Variants in HNRNPLL observed in about 807,000 individuals in gnomAD.
The protein encoded by HNRNPLL is heterogeneous nuclear ribonucleoprotein L like.
Under a neutral mutation model 67.1 loss-of-function variants are expected in HNRNPLL, and 25 were observed. The ratio of observed to expected loss-of-function variants is 0.37; its 90% CI spans 0.27 to 0.52. The LOEUF (loss-of-function observed/expected upper bound fraction) is 0.52, where lower values mean the gene tolerates loss of function less well. Ranked by LOEUF, HNRNPLL falls within the 20% of genes least tolerant of loss-of-function variation. The pLI, the probability that HNRNPLL is intolerant of heterozygous loss-of-function variation, is 0.90. For synonymous variants in HNRNPLL, 267 were observed against 241.7 expected, an observed-to-expected ratio of 1.10 and a Z score of -0.97; for missense variants, 542 against 673.9, an observed-to-expected ratio of 0.80 and a Z score of 2.17.
At position 38,563,799 on chromosome 2, in the gene HNRNPLL, A is replaced by G. The variant is rs1665746116; in HGVS notation, c.*383T>C. ...CTTAAACATCTAAACATATAATAGG[A>G]ATTCTATATTAAAATGCAATACTTT... On this transcript the variant is annotated 3_prime_UTR_variant, in exon 13 of 13. Coordinates refer to ENST00000449105, the MANE Select transcript of HNRNPLL (RefSeq NM_138394.4). The G allele has an allele frequency of 6.3e-6, 1 of 158,906 alleles. No individual in the cohort carries two copies. Among genetic ancestry groups the G allele is most frequent in the African/African-American group, 2.4e-5 (1 of 41,640 alleles). 9.8% of individuals were successfully genotyped at this position (158,906 alleles called of 1,614,324 possible).
intron 7 of HNRNPLL, among the ~76,000 whole-genome samples, chr2:38,574,360 A>G (rs907083194): frequency 6.6e-6 from 1 of 151,868 alleles, no homozygotes. Context: ...CAGCTTAGAA[A>G]CAGAAACCCT....
chr2:38,582,309 G>A, intron 4 of HNRNPLL, 141 bp from the exon 5 acceptor site: 3 of 700,054 alleles, frequency 4.3e-6, no homozygotes, highest in South Asian at 3.5e-5. Flanking sequence ...AATTTTAAGA[G>A]AATTTTTTGT....
intron 1 of HNRNPLL, chr2:38,602,092 G>A (rs1280662474): frequency 7.0e-6 from 2 of 285,408 alleles, no homozygotes; most frequent in African/African-American, 4.6e-5. Flanking sequence ...CGCTGGCCCC[G>A]AGCCCGAGGA....
At chr2:38,580,163 T>C (rs1302903074) in intron 6 of HNRNPLL, among the ~76,000 whole-genome samples, 1 of 152,126 alleles carries the variant, frequency 6.6e-6, no homozygotes, top group Non-Finnish European at 1.5e-5. Context: ...GAGATTTTTT[T>C]AAAAAAACAA....
In HNRNPLL at chr2:38,563,938, A is replaced by G. The variant is rs986433711; in HGVS notation, c.*244T>C. 3.9e-5 allele frequency: 14 copies of G among 356,958 alleles called. No individual in the cohort carries two copies. Among genetic ancestry groups the G allele is most frequent in the African/African-American group, 8.5e-5 (4 of 47,260 alleles). 22.1% of individuals were successfully genotyped at this position (356,958 alleles called of 1,614,324 possible). The stretch of plus-strand genomic sequence containing the variant: ...TTCCAGTAATAAGGTTAGAAATCAT[A>G]TATCTGTATAATCTACAATGAAGCT... On this transcript the variant is annotated 3_prime_UTR_variant, in exon 13 of 13. Transcript: ENST00000449105.
intron 2 of HNRNPLL, among the ~76,000 whole-genome samples, chr2:38,588,390 A>G (rs1408240054): frequency 6.6e-6 from 1 of 151,922 alleles, no homozygotes; most frequent in Non-Finnish European, 1.5e-5. Context: ...TCTACTAAAA[A>G]TATAAAAAAT....
Position 38,583,988 on chromosome 2 carries a change from C to T in HNRNPLL, c.547-62G>A, listed in dbSNP as rs1666632237. 10 of 679,640 alleles carry T rather than the reference C, an allele frequency of 1.5e-5. No individual in the cohort carries two copies. In the East Asian group the frequency reaches 3.0e-4, roughly 20 times the overall value. 42.1% of individuals were successfully genotyped at this position (679,640 alleles called of 1,614,324 possible). A position where few individuals can be genotyped will look rare whatever the true frequency, so the allele number is the denominator to read the frequency against. ...CATCTGAAAAAACATTAAAGCTATA[C>T]TTCGTTTTGTTTTACCTAAAAACTA... On this transcript the variant is annotated intron_variant, in intron 3 of 12. Transcript: ENST00000449105.
chr2:38,564,909 T>C (rs966188210), intron 12 of HNRNPLL, among the ~76,000 whole-genome samples: 1 of 151,246 alleles, frequency 6.6e-6, no homozygotes, highest in Non-Finnish European at 1.5e-5. Context: ...GGAATGTACA[T>C]GAAGACATCT....
intron 4 of HNRNPLL, among the ~76,000 whole-genome samples, chr2:38,582,874 TAAA>T (rs397976998): frequency 7.4e-6 from 1 of 135,316 alleles, no homozygotes. Context: ...AACTCCATCT[TAAA>T]AAAAAAAAAA....
rs200477240 is a variant in HNRNPLL at position 38,569,365 on chromosome 2, G to C, written c.1215-31C>G. 1.7e-5 allele frequency: 25 copies of C among 1,487,980 alleles called. No individual in the cohort carries two copies. The African/African-American group carries it at 2.6e-4, about 16-fold the overall frequency. The allele number at this position is 1,487,980 out of a possible 1,614,324, so 92.2% of individuals were successfully genotyped here. A position where few individuals can be genotyped will look rare whatever the true frequency, so the allele number is the denominator to read the frequency against. On this transcript the variant is annotated intron_variant, in intron 9 of 12. Transcript: ENST00000449105. ...GATTGTAAAGAAAAGACATACAAAA[G>C]TACTTTGTTAGATAAAAAGCAGCAA... is the stretch of plus-strand genomic sequence containing the variant.
At chr2:38,574,695 A>C (rs1666232151) in intron 7 of HNRNPLL, among the ~76,000 whole-genome samples, 1 of 151,792 alleles carries the variant, frequency 6.6e-6, no homozygotes, top group Non-Finnish European at 1.5e-5. Context: ...ACACGGTGTG[A>C]ATTTCTGCAA....
Position 38,602,719 on chromosome 2 carries a change from C to A in HNRNPLL, c.-93G>T. On this transcript the variant is annotated 5_prime_UTR_variant, in exon 1 of 13. Transcript: ENST00000449105. ...GCCGGCCAGTCCTCGCCGCCGGCAG[C>A]GCCTCTTCTGCGAGGGTCTCCGCGG... 2.1e-6 allele frequency: 3 copies of A among 1,440,144 alleles called. No individual in the cohort carries two copies. The highest frequency in any genetic ancestry group is 2.7e-6 in the Non-Finnish European group (3 of 1,099,120). 89.2% of individuals were successfully genotyped at this position (1,440,144 alleles called of 1,614,324 possible). A position where few individuals can be genotyped will look rare whatever the true frequency, so the allele number is the denominator to read the frequency against.
rs1665702024 is a variant in HNRNPLL, at chr2:38,562,262, T to C, written c.*1920A>G. 6.6e-6 allele frequency: 1 copy of C among 152,174 alleles called. No homozygotes were observed. The highest frequency in any genetic ancestry group is 2.1e-4 in the South Asian group (1 of 4,830). 9.4% of individuals were successfully genotyped at this position (152,174 alleles called of 1,614,324 possible). A position where few individuals can be genotyped will look rare whatever the true frequency, so the allele number is the denominator to read the frequency against. ...AGTATAGGGCTTACACACCAGTGTA[T>C]AAATCTATCAGCAAGGCCCAACTTA... is the stretch of plus-strand genomic sequence containing the variant. On this transcript the variant is annotated 3_prime_UTR_variant, in exon 13 of 13. Coordinates refer to ENST00000449105, the MANE Select transcript of HNRNPLL (RefSeq NM_138394.4).
intron 1 of HNRNPLL, 21 bp from the exon 2 acceptor site, chr2:38,591,669 C>G (rs938180655): frequency 9.0e-6 from 14 of 1,552,250 alleles, no homozygotes; most frequent in Non-Finnish European, 1.2e-5. Flanking sequence ...AAAATAATTT[C>G]TAGTTAAAAA....
chr2:38,575,571 A>C (rs971309115), intron 7 of HNRNPLL, among the ~76,000 whole-genome samples: 4 of 151,894 alleles, frequency 2.6e-5, no homozygotes, highest in Admixed American at 6.6e-5. Context: ...AGAGGTAAAG[A>C]ATTGTGATGA....
rs1665721138 is a variant in HNRNPLL, at chr2:38,563,035, A to G, written c.*1147T>C. The G allele has an allele frequency of 6.6e-6, 1 of 152,092 alleles. No homozygotes were observed. The highest frequency in any genetic ancestry group is 1.5e-5 in the Non-Finnish European group (1 of 67,930). The allele number at this position is 152,092 out of a possible 1,614,324, so 9.4% of individuals were successfully genotyped here. On this transcript the variant is annotated 3_prime_UTR_variant, in exon 13 of 13. Transcript: ENST00000449105. Reference sequence around the variant, plus strand: ...ATATTCTCCCTTCTTTTAAAGATGAAAACAAAATGGCCACATCAGTTTTTC... The same window carrying G: ...ATATTCTCCCTTCTTTTAAAGATGAGAACAAAATGGCCACATCAGTTTTTC...
At chr2:38,600,315 A>G (rs78157277) in intron 1 of HNRNPLL, among the ~76,000 whole-genome samples, 4,343 of 152,314 alleles carry the variant, frequency 0.029, 87 homozygotes, top group South Asian at 0.08. Context: ...AAGCAGCATT[A>G]GCATTACGTT....
At chr2:38,598,015 T>C (rs1667276581) in intron 1 of HNRNPLL, among the ~76,000 whole-genome samples, 3 of 143,754 alleles carry the variant, frequency 2.1e-5, no homozygotes, top group African/African-American at 7.7e-5. Context: ...AAAAACAAAC[T>C]TTTTTTTTTT....
intron 1 of HNRNPLL, among the ~76,000 whole-genome samples, chr2:38,597,166 A>G (rs1667227906): frequency 6.6e-6 from 1 of 152,238 alleles, no homozygotes; most frequent in East Asian, 1.9e-4. Flanking sequence ...CAAAGGTTCA[A>G]TAAACATTAG....
Sources: allele counts gnomAD v4.1 joint callset (sites outside exome capture counted in the v4.1 genomes callset), GRCh38; gene constraint gnomAD v4.1.1; transcripts MANE v1.5; gene names NCBI Gene and HGNC (gene_info 2026-07-23, HGNC 2026-07-21).